Variants in ELMO1 observed in about 807,000 individuals in gnomAD.
ELMO1 encodes engulfment and cell motility 1, also known as engulfment and cell motility protein 1.
ELMO1 carries 26 observed loss-of-function variants against 98.9 expected under a neutral mutation model. The ratio of observed to expected loss-of-function variants is 0.26; its 90% CI spans 0.19 to 0.36. The LOEUF (loss-of-function observed/expected upper bound fraction) is 0.36, where lower values mean the gene tolerates loss of function less well. Ranked by LOEUF, ELMO1 falls within the 10% of genes least tolerant of loss-of-function variation. The probability of loss-of-function intolerance (pLI) is 1.00; values close to 1 mark genes in which losing one functional copy is unlikely to be tolerated. For synonymous variants in ELMO1, 346 were observed against 346.0 expected (o/e 1.00, Z 0.00); for missense variants, 627 against 935.2 (o/e 0.67, Z 4.30).
intron 16 of ELMO1, 137 bp downstream of exon 16, chr7:37,013,151 GTCTTTCTCCAT>G: frequency 9.6e-7 from 1 of 1,037,720 alleles, no homozygotes; most frequent in East Asian, 2.6e-5. Context: ...AGGGATGTTT[GTCTTTCTCCAT>G]TCTTGAAGCA....
At chr7:37,169,231 G>C (rs1231587457) in intron 13 of ELMO1, among the ~76,000 whole-genome samples, 2 of 152,200 alleles carry the variant, frequency 1.3e-5, no homozygotes. Flanking sequence ...CGATTTTCCA[G>C]GTGCCGTCTG....
chr7:37,100,919 C>T (rs948846389), intron 14 of ELMO1, among the ~76,000 whole-genome samples: 2 of 152,214 alleles, frequency 1.3e-5, no homozygotes, highest in Non-Finnish European at 2.9e-5. Flanking sequence ...GATACGAAGA[C>T]CTTACATAAA....
intron 1 of ELMO1, among the ~76,000 whole-genome samples, chr7:37,385,644 T>C (rs1217522808): frequency 6.6e-6 from 1 of 152,248 alleles, no homozygotes; most frequent in Non-Finnish European, 1.5e-5. Context: ...AGAAGCTTCA[T>C]GCAAGCATGA....
chr7:37,355,276 C>T lies in ELMO1; in HGVS notation c.-73-12513G>A, dbSNP rs34270818. Reference sequence around the variant, plus strand: ...ACTGGAATGACAGAGGTACCTTTCTCATGGGATTATTATGAAGATAAAATA... The same window carrying T: ...ACTGGAATGACAGAGGTACCTTTCTTATGGGATTATTATGAAGATAAAATA... On this transcript the variant is annotated intron_variant, in intron 1 of 21. Coordinates refer to ENST00000310758, the MANE Select transcript of ELMO1 (RefSeq NM_014800.11). Among the ~76,000 whole-genome samples the T allele has an allele frequency of 2.6e-3, 396 of 152,278 alleles. 2 individuals are homozygous for T. Among genetic ancestry groups the T allele is most frequent in the Non-Finnish European group, 4.7e-3 (322 of 68,030 alleles).
intron 15 of ELMO1, among the ~76,000 whole-genome samples, chr7:37,076,505 AC>A (rs1208791053): frequency 7.2e-5 from 11 of 152,244 alleles, no homozygotes; most frequent in Admixed American, 4.6e-4. Flanking sequence ...ACAGTCAACA[AC>A]CAGAAGGTTA....
At chr7:37,420,128 C>G (rs1450619456) in intron 1 of ELMO1, among the ~76,000 whole-genome samples, 1 of 152,160 alleles carries the variant, frequency 6.6e-6, no homozygotes. Context: ...AAGCACAGGA[C>G]GAGTCTTGTG....
chr7:37,098,814 C>G (rs1416088943), intron 14 of ELMO1, among the ~76,000 whole-genome samples: 1 of 152,088 alleles, frequency 6.6e-6, no homozygotes, highest in Non-Finnish European at 1.5e-5. Flanking sequence ...AAATCTGAAG[C>G]TCCTAATGAT....
intron 13 of ELMO1, among the ~76,000 whole-genome samples, chr7:37,140,185 C>T (rs2390605): frequency 6.7e-6 from 1 of 150,358 alleles, no homozygotes; most frequent in South Asian, 2.1e-4. Flanking sequence ...ACCATCCTGG[C>T]TAACATGATG....
chr7:37,361,013 C>T (rs1801678284), intron 1 of ELMO1, among the ~76,000 whole-genome samples: 1 of 147,750 alleles, frequency 6.8e-6, no homozygotes, highest in Non-Finnish European at 1.5e-5. Context: ...AGTACACACT[C>T]ATTATGATGA....
At chr7:37,310,667 T>C (rs1455512535) in intron 4 of ELMO1, among the ~76,000 whole-genome samples, 1 of 152,304 alleles carries the variant, frequency 6.6e-6, no homozygotes. Context: ...GATCACTGGC[T>C]TGATGACAGT....
chr7:37,375,657 C>T, intron 1 of ELMO1: 2 of 1,226,698 alleles, frequency 1.6e-6, no homozygotes, highest in Middle Eastern at 2.4e-4. Context: ...ACCTTCAGGT[C>T]ATGAAGGCCA....
At chr7:37,085,699 T>G (rs935436230) in intron 15 of ELMO1, among the ~76,000 whole-genome samples, 7 of 152,154 alleles carry the variant, frequency 4.6e-5, no homozygotes, top group African/African-American at 1.7e-4. Flanking sequence ...GACTGGCATC[T>G]CTGGAACTAG....
chr7:36,950,711 G>A (rs972517037), intron 16 of ELMO1, among the ~76,000 whole-genome samples: 1 of 152,242 alleles, frequency 6.6e-6, no homozygotes, highest in Non-Finnish European at 1.5e-5. Context: ...CATTGCGCTA[G>A]AGGGACAGAG....
chr7:36,936,468 T>C (rs1786541118), intron 16 of ELMO1, among the ~76,000 whole-genome samples: 1 of 152,172 alleles, frequency 6.6e-6, no homozygotes. Flanking sequence ...TTTAGTTTTA[T>C]TTTTTAGAGA....
chr7:37,231,256 C>T (rs112516758), intron 8 of ELMO1, among the ~76,000 whole-genome samples: 9 of 152,182 alleles, frequency 5.9e-5, no homozygotes, highest in African/African-American at 1.9e-4. Context: ...GATCCTACCC[C>T]CCTCATTCAA....
intron 4 of ELMO1, among the ~76,000 whole-genome samples, chr7:37,309,358 C>T (rs1798780366): frequency 6.6e-6 from 1 of 152,180 alleles, no homozygotes; most frequent in Non-Finnish European, 1.5e-5. Flanking sequence ...CAGGTCCCAA[C>T]CACAACACGT....
intron 7 of ELMO1, among the ~76,000 whole-genome samples, chr7:37,240,579 T>A (rs1485183960): frequency 5.3e-5 from 8 of 152,156 alleles, no homozygotes; most frequent in Non-Finnish European, 8.8e-5. Context: ...CATTTTTTTT[T>A]AAACCATCCT....
At chr7:37,438,607 A>T (rs953576051) in intron 1 of ELMO1, among the ~76,000 whole-genome samples, 7 of 152,112 alleles carry the variant, frequency 4.6e-5, no homozygotes, top group African/African-American at 7.2e-5. Context: ...CTCAAAAAAA[A>T]AAACACTACT....
At chr7:36,991,273 A>G (rs955749288) in intron 16 of ELMO1, among the ~76,000 whole-genome samples, 8 of 152,152 alleles carry the variant, frequency 5.3e-5, no homozygotes, top group African/African-American at 1.2e-4. Flanking sequence ...CACATGCATG[A>G]GCCCACACAC....
Sources: allele counts gnomAD v4.1 joint callset (sites outside exome capture counted in the v4.1 genomes callset), GRCh38; gene constraint gnomAD v4.1.1; transcripts MANE v1.5; gene names NCBI Gene and HGNC (gene_info 2026-07-23, HGNC 2026-07-21).